MARCHF1: variants seen among roughly 807,000 people sequenced by gnomAD.
MARCHF1 encodes the protein E3 ubiquitin-protein ligase MARCHF1.
MARCHF1 carries 40 observed loss-of-function variants against 54.2 expected under a neutral mutation model. The ratio of observed to expected loss-of-function variants is 0.74; its 90% confidence interval spans 0.57 to 0.96. The LOEUF (loss-of-function observed/expected upper bound fraction) is 0.96, where lower values mean the gene tolerates loss of function less well. MARCHF1 is among the 40% of genes least tolerant of loss of function. The pLI is 0.00. For synonymous variants in MARCHF1, 236 were observed against 236.3 expected (o/e 1.00, Z 0.01); for missense variants, 586 against 656.5 (o/e 0.89, Z 1.17).
At chr4:163,878,580 A>G (rs964108616) in intron 3 of MARCHF1, among the ~76,000 whole-genome samples, 97 of 152,308 alleles carry the variant, frequency 6.4e-4, no homozygotes, top group Non-Finnish European at 1.0e-3. Context: ...AACTCAGTGC[A>G]TGACCTTAAA....
At chr4:164,040,677 A>C (rs1162590140) in intron 2 of MARCHF1, among the ~76,000 whole-genome samples, 1 of 151,952 alleles carries the variant, frequency 6.6e-6, no homozygotes, top group Non-Finnish European at 1.5e-5. Flanking sequence ...GTAAATATAT[A>C]CATGGCAATG....
intron 2 of MARCHF1, among the ~76,000 whole-genome samples, chr4:164,015,303 T>C (rs2110953024): frequency 6.6e-6 from 1 of 152,050 alleles, no homozygotes; most frequent in African/African-American, 2.4e-5. Flanking sequence ...AAAAATCAAG[T>C]AAAAATGGAT....
At chr4:164,306,549 G>A (rs1267369046) in intron 1 of MARCHF1, among the ~76,000 whole-genome samples, 1 of 152,104 alleles carries the variant, frequency 6.6e-6, no homozygotes, top group Non-Finnish European at 1.5e-5. Context: ...GTAGTCACGT[G>A]AGTTCAGCCT....
At chr4:164,348,554 A>G (rs1487257063) in intron 1 of MARCHF1, among the ~76,000 whole-genome samples, 1 of 152,174 alleles carries the variant, frequency 6.6e-6, no homozygotes, top group Non-Finnish European at 1.5e-5. Context: ...CAGAGAACAT[A>G]CTGATATTCT....
intron 4 of MARCHF1, among the ~76,000 whole-genome samples, chr4:163,759,443 A>G (rs1376286755): frequency 6.6e-6 from 1 of 152,240 alleles, no homozygotes; most frequent in South Asian, 2.1e-4. Context: ...TCATGATGTG[A>G]TCAATCATTG....
intron 1 of MARCHF1, among the ~76,000 whole-genome samples, chr4:164,298,878 A>C (rs1336274741): frequency 6.6e-6 from 1 of 152,158 alleles, no homozygotes; most frequent in African/African-American, 2.4e-5. Context: ...AGGGATAAAT[A>C]GAAGATAATT....
chr4:163,605,170 G>A (rs4691093), intron 7 of MARCHF1, among the ~76,000 whole-genome samples: 49,577 of 151,904 alleles, frequency 0.33, 8,933 homozygotes, highest in Non-Finnish European at 0.42. Flanking sequence ...ATTAAAAAAT[G>A]AGCTAATATC....
Position 164,333,643 on chromosome 4 carries a change from C to T in MARCHF1, c.-323+50227G>A, listed in dbSNP as rs72991321. ...CCTCTCCTCGGACTTCCCTATTTCC[C>T]GAGCCACAACAATACTGAAATTAGT... On this transcript the variant is annotated intron_variant, in intron 1 of 9. Coordinates refer to ENST00000514618, the MANE Select transcript of MARCHF1 (RefSeq NM_001394959.1). Among the ~76,000 whole-genome samples, 1,387 of 152,182 alleles carry T rather than the reference C, an allele frequency of 9.1e-3. 21 individuals carry two copies. The highest frequency in any genetic ancestry group is 0.029 in the African/African-American group (1,213 of 41,514).
chr4:163,898,935 A>G (rs1288328154), intron 3 of MARCHF1, among the ~76,000 whole-genome samples: 2 of 152,228 alleles, frequency 1.3e-5, no homozygotes, highest in Non-Finnish European at 2.9e-5. Flanking sequence ...TAACTAGAAA[A>G]CAGAAAATCA....
At chr4:164,287,720 A>G (rs1168288414) in intron 1 of MARCHF1, among the ~76,000 whole-genome samples, 2 of 152,196 alleles carry the variant, frequency 1.3e-5, no homozygotes, top group Non-Finnish European at 2.9e-5. Context: ...CTTTGTCTTC[A>G]TAAGAGATTC....
At chr4:163,771,923 A>G (rs1579274488) in intron 4 of MARCHF1, among the ~76,000 whole-genome samples, 1 of 152,312 alleles carries the variant, frequency 6.6e-6, no homozygotes, top group African/African-American at 2.4e-5. Context: ...TAACATAAAA[A>G]TGGTGACTAA....
At chr4:163,703,886 T>A (rs1266259819) in intron 4 of MARCHF1, among the ~76,000 whole-genome samples, 2 of 144,590 alleles carry the variant, frequency 1.4e-5, no homozygotes, top group Non-Finnish European at 3.1e-5. Flanking sequence ...TTCTTTTTAC[T>A]AGCAAGGAAA....
At chr4:163,919,335 A>G (rs1284184944) in intron 3 of MARCHF1, among the ~76,000 whole-genome samples, 1 of 152,094 alleles carries the variant, frequency 6.6e-6, no homozygotes, top group Admixed American at 6.6e-5. Flanking sequence ...GATTAATAAC[A>G]CAACAGGAAA....
intron 4 of MARCHF1, among the ~76,000 whole-genome samples, chr4:163,739,253 CAG>C (rs1746130073): frequency 6.6e-6 from 1 of 152,190 alleles, no homozygotes; most frequent in African/African-American, 2.4e-5. Context: ...TGGTATATTA[CAG>C]AGACTCCTCA....
chr4:163,853,304 T>A (rs1291067519), intron 4 of MARCHF1, among the ~76,000 whole-genome samples: 1 of 152,164 alleles, frequency 6.6e-6, no homozygotes, highest in Non-Finnish European at 1.5e-5. Context: ...AAAACAATCA[T>A]TAAAATATAT....
At chr4:164,189,210 C>A in intron 1 of MARCHF1, 2 of 567,446 alleles carry the variant, frequency 3.5e-6, no homozygotes, top group South Asian at 3.9e-5. Flanking sequence ...ACAAAGATGT[C>A]AGGAAAGACG....
At chr4:163,588,730 G>A (rs1371583204) in intron 7 of MARCHF1, among the ~76,000 whole-genome samples, 3 of 152,120 alleles carry the variant, frequency 2.0e-5, no homozygotes, top group Non-Finnish European at 4.4e-5. Context: ...TGTTTGCAGA[G>A]TAACAGCAGA....
chr4:163,592,475 AT>A (rs1740623020), intron 7 of MARCHF1, among the ~76,000 whole-genome samples: 1 of 151,840 alleles, frequency 6.6e-6, no homozygotes, highest in African/African-American at 2.4e-5. Flanking sequence ...TCCTAACTCT[AT>A]TCCTGGAGCT....
intron 1 of MARCHF1, among the ~76,000 whole-genome samples, chr4:164,113,201 G>A (rs1406346076): frequency 6.6e-6 from 1 of 151,742 alleles, no homozygotes; most frequent in Admixed American, 6.6e-5. Context: ...CCAAATACAA[G>A]GTATTATGAA....
Sources: gnomAD v4.1 joint callset for allele counts (sites outside exome capture counted in the v4.1 genomes callset) on GRCh38, gnomAD v4.1.1 for gene constraint, MANE v1.5 for transcripts, NCBI Gene and HGNC (gene_info 2026-07-23, HGNC 2026-07-21) for gene names.